NUMB: variants seen among roughly 807,000 people sequenced by gnomAD.
NUMB encodes NUMB endocytic adaptor protein.
Under a neutral mutation model 59.7 loss-of-function variants are expected in NUMB, and 29 were observed. The observed-to-expected ratio is 0.49, with a 90% CI of 0.36 to 0.66. The LOEUF (loss-of-function observed/expected upper bound fraction) is 0.66. Among genes scored for constraint, NUMB ranks in the 30% least tolerant of loss-of-function variants. The probability of loss-of-function intolerance (pLI) is 0.00; values close to 1 mark genes in which losing one functional copy is unlikely to be tolerated. For missense variants in NUMB, 723 were observed against 822.0 expected (o/e 0.88, Z 1.47); for synonymous variants, 288 against 288.2 (o/e 1.00, Z 0.01).
intron 3 of NUMB, among the ~76,000 whole-genome samples, chr14:73,364,125 T>A (rs546826895): frequency 1.3e-5 from 2 of 152,248 alleles, no homozygotes; most frequent in East Asian, 3.9e-4. Context: ...TTTGATAAAA[T>A]TCAATACTCG....
chr14:73,444,855 C>CAA (rs11370548), intron 1 of NUMB, among the ~76,000 whole-genome samples: 19,088 of 118,202 alleles, frequency 0.16, 2,070 homozygotes, highest in Non-Finnish European at 0.24. Flanking sequence ...CACTCCGTCT[C>CAA]AAAAAAAAAA....
intron 4 of NUMB, among the ~76,000 whole-genome samples, chr14:73,337,444 G>A (rs1012171018): frequency 6.6e-6 from 1 of 152,224 alleles, no homozygotes; most frequent in African/African-American, 2.4e-5. Context: ...GGAGGTTGCA[G>A]TAAGCCAAGA....
At chr14:73,317,767 A>G (rs1486586919) in intron 5 of NUMB, among the ~76,000 whole-genome samples, 1 of 152,196 alleles carries the variant, frequency 6.6e-6, no homozygotes, top group Non-Finnish European at 1.5e-5. Flanking sequence ...AATTTACACA[A>G]ATTAGATGGG....
chr14:73,389,300 C>CAAAAAAAAAAAAAAAAAA (rs1247536023), intron 2 of NUMB, among the ~76,000 whole-genome samples: 1 of 95,272 alleles, frequency 1.0e-5, no homozygotes, highest in African/African-American at 3.9e-5. Context: ...AAAACAAAAA[C>CAAAAAAAAAAAAAAAAAA]AAAAACACTG....
chr14:73,295,801 A>G (rs866140353), intron 7 of NUMB, among the ~76,000 whole-genome samples: 2 of 152,028 alleles, frequency 1.3e-5, no homozygotes, highest in African/African-American at 4.8e-5. Flanking sequence ...ATAACACCCT[A>G]TGCTTTCTAG....
At chr14:73,283,123 G>T (rs955309520) in intron 10 of NUMB, among the ~76,000 whole-genome samples, 12 of 152,190 alleles carry the variant, frequency 7.9e-5, no homozygotes, top group Non-Finnish European at 1.3e-4. Flanking sequence ...GGATACTTCT[G>T]TATCACTGAG....
chr14:73,422,583 C>G (rs1186983825), intron 1 of NUMB, among the ~76,000 whole-genome samples: 1 of 151,978 alleles, frequency 6.6e-6, no homozygotes, highest in Non-Finnish European at 1.5e-5. Context: ...AAGCATGGCA[C>G]CAACATTTGC....
At chr14:73,353,906 G>A (rs1190186733) in intron 4 of NUMB, among the ~76,000 whole-genome samples, 2 of 151,970 alleles carry the variant, frequency 1.3e-5, no homozygotes, top group Non-Finnish European at 2.9e-5. Flanking sequence ...TGTAAGAGAA[G>A]TAGGATTTTT....
intron 6 of NUMB, chr14:73,298,340 G>A (rs936818029): frequency 1.3e-5 from 2 of 152,228 alleles, no homozygotes; most frequent in Non-Finnish European, 2.9e-5. Context: ...GACTACAAGT[G>A]TGCACCACTG....
At chr14:73,450,579 G>A (rs1281339636) in intron 1 of NUMB, among the ~76,000 whole-genome samples, 1 of 152,156 alleles carries the variant, frequency 6.6e-6, no homozygotes, top group Non-Finnish European at 1.5e-5. Context: ...TGGATTACTT[G>A]AGGTCAGGAG....
At chr14:73,277,850 G>T (rs1424490412) in intron 12 of NUMB, among the ~76,000 whole-genome samples, 1 of 151,974 alleles carries the variant, frequency 6.6e-6, no homozygotes, top group Non-Finnish European at 1.5e-5. Context: ...CTGAGGTCAA[G>T]AGATCGAGAC....
At chr14:73,420,286 C>A (rs1488112246) in intron 1 of NUMB, among the ~76,000 whole-genome samples, 1 of 152,194 alleles carries the variant, frequency 6.6e-6, no homozygotes, top group East Asian at 1.9e-4. Context: ...AAAGGAAAGC[C>A]AGGTCAACAG....
chr14:73,424,238 A>C (rs1316011365), intron 1 of NUMB, among the ~76,000 whole-genome samples: 1 of 152,120 alleles, frequency 6.6e-6, no homozygotes, highest in Non-Finnish European at 1.5e-5. Flanking sequence ...GAAAGACATA[A>C]AATTTTAGGA....
intron 4 of NUMB, among the ~76,000 whole-genome samples, chr14:73,328,087 C>CA (rs1891760554): frequency 6.6e-6 from 1 of 152,094 alleles, no homozygotes; most frequent in Non-Finnish European, 1.5e-5. Context: ...CCAGCCTGGC[C>CA]AATATGGTGA....
chr14:73,421,727 G>A (rs956900306), intron 1 of NUMB, among the ~76,000 whole-genome samples: 1 of 152,018 alleles, frequency 6.6e-6, no homozygotes, highest in African/African-American at 2.4e-5. Flanking sequence ...ACAAAACAAA[G>A]TACAATTTGC....
intron 6 of NUMB, among the ~76,000 whole-genome samples, chr14:73,314,038 TA>T (rs933117980): frequency 3.3e-5 from 5 of 152,052 alleles, no homozygotes; most frequent in African/African-American, 1.2e-4. Context: ...CCGTCTCTAC[TA>T]AAAAAGACGA....
chr14:73,328,812 A>G (rs1205944857), intron 4 of NUMB, among the ~76,000 whole-genome samples: 1 of 152,158 alleles, frequency 6.6e-6, no homozygotes, highest in African/African-American at 2.4e-5. Context: ...CTCTGGGTTC[A>G]AGCCTTTTGT....
chr14:73,358,272 C>T (rs1020108487), intron 3 of NUMB, among the ~76,000 whole-genome samples: 9 of 152,234 alleles, frequency 5.9e-5, no homozygotes, highest in East Asian at 1.9e-4. Context: ...GAGCTCCATC[C>T]CAATATGTTC....
intron 1 of NUMB, among the ~76,000 whole-genome samples, chr14:73,439,065 T>C (rs1026164895): frequency 2.0e-5 from 3 of 152,144 alleles, no homozygotes; most frequent in African/African-American, 4.8e-5. Context: ...TCAATGCAAA[T>C]ATATACCAAC....
Sources: gnomAD v4.1 joint callset for allele counts (sites outside exome capture counted in the v4.1 genomes callset) on GRCh38, gnomAD v4.1.1 for gene constraint, MANE v1.5 for transcripts, NCBI Gene and HGNC (gene_info 2026-07-23, HGNC 2026-07-21) for gene names.